RHOJ: variants seen among roughly 807,000 people sequenced by gnomAD.
RHOJ encodes the protein ras homolog family member J.
Under a neutral mutation model 23.4 loss-of-function variants are expected in RHOJ, and 11 were observed. That is an observed-to-expected ratio of 0.47 (90% confidence interval 0.30 to 0.78). The LOEUF (loss-of-function observed/expected upper bound fraction) is 0.78. RHOJ is among the 30% of genes least tolerant of loss of function. The probability of loss-of-function intolerance (pLI) is 0.08; values close to 1 mark genes in which losing one functional copy is unlikely to be tolerated. For missense variants in RHOJ, 254 were observed against 273.4 expected (o/e 0.93, Z 0.50); for synonymous variants, 102 against 102.7 (o/e 0.99, Z 0.04).
chr14:63,256,573 C>A (rs911030186), intron 1 of RHOJ, among the ~76,000 whole-genome samples: 1 of 152,202 alleles, frequency 6.6e-6, no homozygotes, highest in African/African-American at 2.4e-5. Flanking sequence ...GTCTCTTGGC[C>A]AGTCCCTTCT....
intron 4 of RHOJ, among the ~76,000 whole-genome samples, chr14:63,285,133 A>G (rs1882039986): frequency 6.6e-6 from 1 of 152,192 alleles, no homozygotes; most frequent in African/African-American, 2.4e-5. Flanking sequence ...TGGAGTGTTT[A>G]TAATGTGCTA....
intron 1 of RHOJ, among the ~76,000 whole-genome samples, chr14:63,233,064 A>G (rs1241948596): frequency 3.9e-5 from 6 of 152,144 alleles, no homozygotes; most frequent in Admixed American, 6.5e-5. Context: ...GAGTAGCCAA[A>G]GGATAGGTGA....
At chr14:63,245,371 T>C (rs1894959049) in intron 1 of RHOJ, among the ~76,000 whole-genome samples, 1 of 151,370 alleles carries the variant, frequency 6.6e-6, no homozygotes. Context: ...CTTGGCCGGG[T>C]GCACTGGCTC....
At chr14:63,213,739 A>T (rs182171522) in intron 1 of RHOJ, among the ~76,000 whole-genome samples, 1 of 152,300 alleles carries the variant, frequency 6.6e-6, no homozygotes, top group South Asian at 2.1e-4. Flanking sequence ...GTTCTGTTCC[A>T]TGTAGTCATT....
intron 1 of RHOJ, among the ~76,000 whole-genome samples, chr14:63,248,922 A>G (rs539898077): frequency 6.6e-6 from 1 of 152,050 alleles, no homozygotes; most frequent in South Asian, 2.1e-4. Flanking sequence ...ACCATTCCCC[A>G]CTTCCCCCGC....
At chr14:63,226,580 TA>T (rs1894597882) in intron 1 of RHOJ, among the ~76,000 whole-genome samples, 1 of 149,984 alleles carries the variant, frequency 6.7e-6, no homozygotes, top group African/African-American at 2.4e-5. Context: ...AATACATAAA[TA>T]AAACTATATA....
chr14:63,278,424 T>C (rs1420045270), intron 2 of RHOJ, among the ~76,000 whole-genome samples: 2 of 152,134 alleles, frequency 1.3e-5, no homozygotes, highest in Non-Finnish European at 2.9e-5. Flanking sequence ...TTCTGGTCTT[T>C]TTTAAAATTT....
At chr14:63,287,815 C>A (rs1882128299) in intron 4 of RHOJ, among the ~76,000 whole-genome samples, 1 of 152,152 alleles carries the variant, frequency 6.6e-6, no homozygotes, top group African/African-American at 2.4e-5. Flanking sequence ...AGGCTTGAAT[C>A]CTGAACCCTC....
chr14:63,214,044 T>C (rs1279525019), intron 1 of RHOJ, among the ~76,000 whole-genome samples: 1 of 152,222 alleles, frequency 6.6e-6, no homozygotes, highest in East Asian at 1.9e-4. Context: ...AAATTGCTTA[T>C]ACCAAATACA....
intron 1 of RHOJ, among the ~76,000 whole-genome samples, chr14:63,244,818 A>G (rs1438367023): frequency 6.6e-6 from 1 of 152,238 alleles, no homozygotes. Flanking sequence ...TTAAAAATTA[A>G]TTTTCAACAA....
chr14:63,272,512 A>T (rs557111209), intron 2 of RHOJ, among the ~76,000 whole-genome samples: 2 of 152,218 alleles, frequency 1.3e-5, no homozygotes, highest in Non-Finnish European at 2.9e-5. Context: ...GCAATCCTCC[A>T]CATCTTTGTC....
chr14:63,265,337 T>C (rs1594771590), intron 1 of RHOJ, among the ~76,000 whole-genome samples: 1 of 152,222 alleles, frequency 6.6e-6, no homozygotes, highest in Non-Finnish European at 1.5e-5. Context: ...GCTGTGGCTG[T>C]GCAGTTTTAT....
intron 1 of RHOJ, among the ~76,000 whole-genome samples, chr14:63,211,054 A>G (rs1213031237): frequency 6.6e-6 from 1 of 152,242 alleles, no homozygotes; most frequent in African/African-American, 2.4e-5. Flanking sequence ...ATTGAGATGT[A>G]AAAGGAAGTT....
At chr14:63,269,284 G>A in intron 2 of RHOJ, 116 bp downstream of exon 2, 3 of 660,090 alleles carry the variant, frequency 4.5e-6, no homozygotes, top group East Asian at 2.7e-5. Flanking sequence ...ATCATTTGGG[G>A]CCAATTTATT....
At chr14:63,268,609 T>C (rs78138088) in intron 1 of RHOJ, among the ~76,000 whole-genome samples, 1 of 152,180 alleles carries the variant, frequency 6.6e-6, no homozygotes, top group South Asian at 2.1e-4. Flanking sequence ...CTTTATAGGC[T>C]ATAAAAGTAT....
At chr14:63,274,596 C>T (rs904063897) in intron 2 of RHOJ, among the ~76,000 whole-genome samples, 5 of 152,078 alleles carry the variant, frequency 3.3e-5, no homozygotes, top group East Asian at 1.9e-4. Flanking sequence ...GGCTGGAGGA[C>T]GGACTCTTTT....
chr14:63,269,128 G>C lies in RHOJ; in HGVS notation c.197G>C (p.Gly66Ala). 20 of 1,613,000 alleles carry C rather than the reference G, an allele frequency of 1.2e-5. No homozygotes were observed. The highest frequency in any genetic ancestry group is 1.6e-5 in the Non-Finnish European group (19 of 1,179,140). Residue 66 changes from glycine (G) to alanine (A), a missense_variant, in exon 2 of 5, where the codon GGC becomes GCC. Coordinates refer to ENST00000316754, the MANE Select transcript of RHOJ (RefSeq NM_020663.5). ...DHYAVTVTVGGKQHLLGLYDT... is the reference protein window; with the variant it reads ...DHYAVTVTVGAKQHLLGLYDT... Reference sequence around the variant, plus strand: ...CCCCTAGTTACTGTGACTGTGGGAGGCAAGCAACACTTGCTCGGACTGTAT... The same window carrying C: ...CCCCTAGTTACTGTGACTGTGGGAGCCAAGCAACACTTGCTCGGACTGTAT...
intron 1 of RHOJ, among the ~76,000 whole-genome samples, chr14:63,258,295 A>G (rs1346256498): frequency 6.6e-6 from 1 of 151,350 alleles, no homozygotes; most frequent in Non-Finnish European, 1.5e-5. Flanking sequence ...TGGAGCCTTT[A>G]ACCTTCTGGT....
At chr14:63,235,599 G>T (rs946618721) in intron 1 of RHOJ, among the ~76,000 whole-genome samples, 4 of 152,152 alleles carry the variant, frequency 2.6e-5, no homozygotes, top group African/African-American at 9.7e-5. Context: ...GTAGATGGGG[G>T]TCATAAGGTG....
Sources: gnomAD v4.1 joint callset for allele counts (sites outside exome capture counted in the v4.1 genomes callset) on GRCh38, gnomAD v4.1.1 for gene constraint, MANE v1.5 for transcripts, NCBI Gene and HGNC (gene_info 2026-07-23, HGNC 2026-07-21) for gene names.